The following CHRDL2 variants were observed in gnomAD, a reference collection of about 807,000 sequenced individuals.
The protein encoded by CHRDL2 is chordin-like protein 2.
In CHRDL2, 41 loss-of-function variants were observed where a neutral mutation model predicts 54.3. That is an observed-to-expected ratio of 0.76 (90% CI 0.59 to 0.98). The LOEUF (loss-of-function observed/expected upper bound fraction) is 0.98. Ranked by LOEUF, CHRDL2 falls within the 50% of genes least tolerant of loss-of-function variation. CHRDL2 has a pLI of 0.00. For missense variants in CHRDL2, 518 were observed against 562.4 expected, an observed-to-expected ratio of 0.92 and a Z score of 0.80; for synonymous variants, 220 against 224.3, an observed-to-expected ratio of 0.98 and a Z score of 0.17.
intron 8 of CHRDL2, 139 bp downstream of exon 8, chr11:74,703,166 G>T: frequency 8.9e-7 from 1 of 1,120,074 alleles, no homozygotes; most frequent in Non-Finnish European, 1.3e-6. Flanking sequence ...ACTCCTGTGT[G>T]TCTGACATGC....
At chr11:74,698,065 TTC>T (rs1308330706) in intron 9 of CHRDL2, among the ~76,000 whole-genome samples, 1 of 93,838 alleles carries the variant, frequency 1.1e-5, no homozygotes. Flanking sequence ...CTACTTTTTT[TTC>T]TTTTTTTTTT....
chr11:74,709,267 CCCT>C (rs1216413191), intron 4 of CHRDL2, among the ~76,000 whole-genome samples: 7 of 152,268 alleles, frequency 4.6e-5, no homozygotes, highest in African/African-American at 1.4e-4. Flanking sequence ...CGCCACAGCC[CCCT>C]CCTCATCCAG....
intron 1 of CHRDL2, chr11:74,719,423 C>CACAT (rs2034454418): frequency 6.9e-6 from 1 of 144,206 alleles, no homozygotes; most frequent in East Asian, 2.0e-4. Context: ...CACACACACA[C>CACAT]GTGTACACAT....
chr11:74,727,387 C>G (rs555845047), intron 1 of CHRDL2, among the ~76,000 whole-genome samples: 4 of 152,088 alleles, frequency 2.6e-5, no homozygotes, highest in Non-Finnish European at 4.4e-5. Flanking sequence ...ATAAACAAAA[C>G]CCTTGAAGAA....
chr11:74,724,795 A>C (rs1359086933), intron 1 of CHRDL2, among the ~76,000 whole-genome samples: 1 of 152,194 alleles, frequency 6.6e-6, no homozygotes, highest in African/African-American at 2.4e-5. Context: ...GGTACTTCTT[A>C]AGTAAGCTTT....
chr11:74,724,108 T>C (rs1040032430), intron 1 of CHRDL2, among the ~76,000 whole-genome samples: 2 of 152,236 alleles, frequency 1.3e-5, no homozygotes, highest in Non-Finnish European at 2.9e-5. Flanking sequence ...AACGCTATGA[T>C]GGCGTGAGCA....
At chr11:74,728,685 G>C (rs1344974647) in intron 1 of CHRDL2, among the ~76,000 whole-genome samples, 1 of 152,134 alleles carries the variant, frequency 6.6e-6, no homozygotes, top group Non-Finnish European at 1.5e-5. Context: ...CCTGGCTTTT[G>C]TTCTTTTCTT....
At position 74,697,198 on chromosome 11, in the gene CHRDL2, C is replaced by T. The variant is rs764106262; in HGVS notation, c.1213+7G>A. 4.3e-6 allele frequency: 7 copies of T among 1,611,488 alleles called. No individual in the cohort carries two copies. Among genetic ancestry groups the T allele is most frequent in the South Asian group, 1.1e-5 (1 of 91,046 alleles). On this transcript the variant is annotated splice_region_variant and intron_variant, in intron 10 of 10. Coordinates refer to ENST00000376332, the MANE Select transcript of CHRDL2 (RefSeq NM_001278473.3). ...CCCCGGCCCCATTCCTCAGCCCAAG[C>T]TCCTACCTTCGTGGGGGCCAGCGAG...
intron 5 of CHRDL2, 52 bp downstream of exon 5, chr11:74,708,250 C>G: frequency 7.8e-7 from 1 of 1,276,254 alleles, no homozygotes; most frequent in South Asian, 1.4e-5. Flanking sequence ...CATGGCTAGG[C>G]CCATGGAGTG....
rs1554984204 is a variant in CHRDL2 at position 74,700,622 on chromosome 11, T to TTATTA, written c.1120+2171_1120+2172insTAATA. On this transcript the variant is annotated intron_variant, in intron 9 of 10. Coordinates refer to ENST00000376332, the MANE Select transcript of CHRDL2 (RefSeq NM_001278473.3). ...GCCCAGGGACTGATGGAATCTTTTT[T>TTATTA]TTATTATTATTATTATTATTATTTT... Among the ~76,000 whole-genome samples, 334 of 140,364 alleles carry TTATTA rather than the reference T, an allele frequency of 2.4e-3. 4 individuals are homozygous for TTATTA. Among genetic ancestry groups the TTATTA allele is most frequent in the Admixed American group, 5.9e-3 (82 of 13,964 alleles). The allele number at this position is 140,364 out of a possible 152,430, so 92.1% of individuals were successfully genotyped here.
chr11:74,710,391 GTC>G (rs1418004540), intron 4 of CHRDL2, among the ~76,000 whole-genome samples: 1 of 152,174 alleles, frequency 6.6e-6, no homozygotes, highest in Non-Finnish European at 1.5e-5. Flanking sequence ...CTGCCCGGAG[GTC>G]CAGCTCTAAC....
Position 74,718,851 on chromosome 11 carries a change from C to T in CHRDL2, c.83-19G>A. The T allele has an allele frequency of 2.0e-6, 3 of 1,493,222 alleles. No individual in the cohort carries two copies. Among genetic ancestry groups the T allele is most frequent in the Non-Finnish European group, 2.8e-6 (3 of 1,079,234 alleles). 92.5% of individuals were successfully genotyped at this position (1,493,222 alleles called of 1,614,324 possible). A position where few individuals can be genotyped will look rare whatever the true frequency, so the allele number is the denominator to read the frequency against. On this transcript the variant is annotated intron_variant, in intron 1 of 10. Transcript: ENST00000376332. The stretch of plus-strand genomic sequence containing the variant: ...TCTGGGCCTGGCAAACCGACCAGTG[C>T]CATGTTAGTCCCAGGAGGCTCCAGC...
Position 74,696,468 on chromosome 11 carries a change from C to A in CHRDL2, c.*41G>T. 6.7e-7 allele frequency: 1 copy of A among 1,494,682 alleles called. No homozygotes were observed. 92.6% of individuals were successfully genotyped at this position (1,494,682 alleles called of 1,614,324 possible). Reference sequence around the variant, plus strand: ...CTTCTTATTTATTAATATATAATAACAACAATTATACAGCTCATATCTGCA... The same window carrying A: ...CTTCTTATTTATTAATATATAATAAAAACAATTATACAGCTCATATCTGCA... On this transcript the variant is annotated 3_prime_UTR_variant, in exon 11 of 11. Transcript: ENST00000376332.
At chr11:74,705,671 C>T (rs182767528) in intron 6 of CHRDL2, among the ~76,000 whole-genome samples, 9 of 152,256 alleles carry the variant, frequency 5.9e-5, no homozygotes, top group Admixed American at 2.6e-4. Context: ...GTTTCACTTA[C>T]GCACTGCCTC....
chr11:74,712,057 G>A (rs553433399), intron 3 of CHRDL2, among the ~76,000 whole-genome samples: 4 of 152,074 alleles, frequency 2.6e-5, no homozygotes, highest in East Asian at 3.9e-4. Flanking sequence ...TGATCCGCCC[G>A]CCTCGGCCTC....
chr11:74,726,178 A>G (rs2034568348), intron 1 of CHRDL2, among the ~76,000 whole-genome samples: 1 of 152,210 alleles, frequency 6.6e-6, no homozygotes, highest in South Asian at 2.1e-4. Flanking sequence ...AGGGCAGGAA[A>G]CAGGGTGGGG....
intron 1 of CHRDL2, among the ~76,000 whole-genome samples, chr11:74,726,037 A>T (rs1414261156): frequency 2.6e-5 from 4 of 152,154 alleles, no homozygotes; most frequent in African/African-American, 9.7e-5. Context: ...GAGCTGTGCA[A>T]CCCGGAGAAA....
chr11:74,705,476 G>C (rs958489252), intron 6 of CHRDL2, among the ~76,000 whole-genome samples: 1 of 152,216 alleles, frequency 6.6e-6, no homozygotes, highest in Non-Finnish European at 1.5e-5. Flanking sequence ...GCTCACAAGA[G>C]CTCCCAGAGT....
intron 2 of CHRDL2, among the ~76,000 whole-genome samples, chr11:74,714,544 A>G (rs1336094358): frequency 6.6e-6 from 1 of 152,156 alleles, no homozygotes; most frequent in African/African-American, 2.4e-5. Context: ...GACTGGCCCT[A>G]CGCCTTCTGG....
Sources: gnomAD v4.1 joint callset for allele counts (sites outside exome capture counted in the v4.1 genomes callset) on GRCh38, gnomAD v4.1.1 for gene constraint, MANE v1.5 for transcripts, NCBI Gene and HGNC (gene_info 2026-07-23, HGNC 2026-07-21) for gene names.